Variants in EPHA4 observed in about 807,000 individuals in gnomAD.
EPHA4 encodes the protein ephrin type-A receptor 4.
A neutral mutation model predicts 108.3 loss-of-function variants in EPHA4; 19 were observed. The observed-to-expected ratio is 0.18, with a 90% CI of 0.12 to 0.26. The LOEUF is 0.26. Ranked by LOEUF, EPHA4 falls within the 10% of genes least tolerant of loss-of-function variation. EPHA4 has a pLI of 1.00. For missense variants in EPHA4, 917 were observed against 1,254.0 expected, an observed-to-expected ratio of 0.73 and a Z score of 4.06; for synonymous variants, 449 against 455.5, an observed-to-expected ratio of 0.99 and a Z score of 0.18.
intron 3 of EPHA4, among the ~76,000 whole-genome samples, chr2:221,527,043 C>T (rs975901395): frequency 4.0e-5 from 6 of 151,234 alleles, no homozygotes; most frequent in Non-Finnish European, 1.5e-5. Context: ...AGGAGAATGG[C>T]GTGAACCCGG....
intron 5 of EPHA4, among the ~76,000 whole-genome samples, chr2:221,462,446 T>C (rs1408655334): frequency 6.6e-6 from 1 of 152,124 alleles, no homozygotes; most frequent in East Asian, 1.9e-4. Context: ...TCTTCTTCTT[T>C]TTAACCTACA....
chr2:221,568,313 A>G (rs1468635293), intron 2 of EPHA4, among the ~76,000 whole-genome samples: 1 of 151,932 alleles, frequency 6.6e-6, no homozygotes, highest in Non-Finnish European at 1.5e-5. Context: ...TCTCTCTCAT[A>G]TCTTTATTTA....
At chr2:221,442,428 C>T (rs1177322794) in intron 11 of EPHA4, among the ~76,000 whole-genome samples, 3 of 152,236 alleles carry the variant, frequency 2.0e-5, no homozygotes, top group Non-Finnish European at 4.4e-5. Flanking sequence ...AAGCTTCACT[C>T]TCTGCATCTG....
At chr2:221,476,105 A>G (rs1359156574) in intron 5 of EPHA4, among the ~76,000 whole-genome samples, 1 of 152,208 alleles carries the variant, frequency 6.6e-6, no homozygotes, top group African/African-American at 2.4e-5. Context: ...CTGTAATCCC[A>G]GCTACTCAGG....
intron 5 of EPHA4, among the ~76,000 whole-genome samples, chr2:221,460,117 G>A (rs1456048463): frequency 1.3e-5 from 2 of 152,050 alleles, no homozygotes; most frequent in African/African-American, 4.8e-5. Flanking sequence ...TCTCAAGCAG[G>A]GAGTTAGCAA....
At chr2:221,533,572 C>T (rs1693580883) in intron 3 of EPHA4, among the ~76,000 whole-genome samples, 1 of 152,004 alleles carries the variant, frequency 6.6e-6, no homozygotes, top group Non-Finnish European at 1.5e-5. Context: ...GTCAATACAG[C>T]TTCTAAACAC....
chr2:221,484,869 A>C (rs1691935947), intron 4 of EPHA4, among the ~76,000 whole-genome samples: 1 of 152,216 alleles, frequency 6.6e-6, no homozygotes, highest in East Asian at 1.9e-4. Flanking sequence ...TAAAGGTATA[A>C]TGATAACAAA....
intron 9 of EPHA4, among the ~76,000 whole-genome samples, chr2:221,445,337 C>T (rs1001606367): frequency 1.3e-5 from 2 of 152,012 alleles, no homozygotes; most frequent in South Asian, 4.1e-4. Flanking sequence ...CACCTGTAAT[C>T]CCAGCGCTTT....
chr2:221,566,923 A>G (rs1295000879), intron 2 of EPHA4, among the ~76,000 whole-genome samples: 2 of 58,712 alleles, frequency 3.4e-5, no homozygotes, highest in South Asian at 5.5e-4. Context: ...GGAGAAGGAG[A>G]AGGAGAAGGA....
chr2:221,426,618 G>T lies in EPHA4; in HGVS notation c.2692C>A (p.Pro898Thr). 1 of 1,610,652 alleles carries T rather than the reference G, an allele frequency of 6.2e-7. No individual in the cohort carries two copies. The highest frequency in any genetic ancestry group is 1.1e-5 in the South Asian group (1 of 90,184). The change falls in exon 16 of 18, where the codon CCT becomes ACT. Residue 898 changes from proline to threonine, a missense_variant and splice_region_variant. This residue lies in a region of EPHA4 where 133 missense variants were observed against 132.8 expected (regional missense o/e 1.00). Coordinates refer to ENST00000281821, the MANE Select transcript of EPHA4 (RefSeq NM_004438.5). The stretch of plus-strand genomic sequence containing the variant: ...CTTGGATCCAACAAGGCAGTGTTAG[G>T]TCTAGAAAGAGAACAAGAAAATATA... ...LKRTGTESSR[P>T]NTALLDPSSP... is the part of the protein sequence containing the mutation.
At chr2:221,455,445 T>A in intron 8 of EPHA4, 102 bp downstream of exon 8, 1 of 893,224 alleles carries the variant, frequency 1.1e-6, no homozygotes, top group Non-Finnish European at 1.8e-6. Flanking sequence ...GATGCCAAGT[T>A]TATGACGCAA....
intron 4 of EPHA4, among the ~76,000 whole-genome samples, chr2:221,494,904 C>T (rs548809736): frequency 6.7e-4 from 101 of 150,850 alleles, no homozygotes; most frequent in African/African-American, 2.3e-3. Flanking sequence ...ATCAAAATCC[C>T]TGTTAAGAAA....
chr2:221,526,959 A>G (rs1693347188), intron 3 of EPHA4, among the ~76,000 whole-genome samples: 1 of 101,386 alleles, frequency 9.9e-6, no homozygotes. Flanking sequence ...CGTCTCTACT[A>G]AAAATACAAA....
Position 221,511,972 on chromosome 2 carries a change from T to A in EPHA4, c.824-10800A>T, listed in dbSNP as rs1289691867. ...AAACTAATACCTAGGGCTCTACAAA[T>A]TTTTAGGGTATTTTCCTTTTTTTCC... On this transcript the variant is annotated intron_variant, in intron 3 of 17. Transcript: ENST00000281821. 3.3e-5 allele frequency among the ~76,000 whole-genome samples: 5 copies of A among 152,146 alleles called. No homozygotes were observed. In the East Asian group the frequency reaches 9.6e-4, roughly 29 times the overall value.
intron 4 of EPHA4, among the ~76,000 whole-genome samples, chr2:221,492,631 T>A (rs553335599): frequency 6.6e-6 from 1 of 152,368 alleles, no homozygotes; most frequent in Admixed American, 6.5e-5. Flanking sequence ...AAATGTGGTA[T>A]ACTCACTAGC....
chr2:221,448,246 G>A (rs987336374), intron 8 of EPHA4, among the ~76,000 whole-genome samples: 1 of 143,934 alleles, frequency 6.9e-6, no homozygotes, highest in Admixed American at 6.9e-5. Context: ...CTGGGGTGGG[G>A]TGGGGGGTGG....
chr2:221,556,778 C>T (rs1342146356), intron 3 of EPHA4, among the ~76,000 whole-genome samples: 1 of 152,066 alleles, frequency 6.6e-6, no homozygotes, highest in Non-Finnish European at 1.5e-5. Context: ...AGGCTATATT[C>T]ACATAATTTT....
At chr2:221,455,067 T>C (rs4674600) in intron 8 of EPHA4, among the ~76,000 whole-genome samples, 123,000 of 152,146 alleles carry the variant, frequency 0.81, 49,936 homozygotes, top group East Asian at 0.98. Context: ...ATCTATTTTG[T>C]GTATCAAAAT....
intron 3 of EPHA4, chr2:221,502,646 T>C (rs1360460732): frequency 8.5e-6 from 4 of 468,590 alleles, no homozygotes; most frequent in African/African-American, 8.0e-5. Flanking sequence ...CTGAAGTCTG[T>C]TCCACCCACT....
Sources: allele counts gnomAD v4.1 joint callset (sites outside exome capture counted in the v4.1 genomes callset), GRCh38; gene constraint gnomAD v4.1.1; regional missense constraint gnomAD v4.1.1; transcripts MANE v1.5; gene names NCBI Gene and HGNC (gene_info 2026-07-23, HGNC 2026-07-21).